FMN1: variants seen among roughly 807,000 people sequenced by gnomAD.
The protein encoded by FMN1 is formin-1.
In FMN1, 110 loss-of-function variants were observed where a neutral mutation model predicts 132.4. That is an observed-to-expected ratio of 0.83 (90% CI 0.71 to 0.97). The LOEUF (loss-of-function observed/expected upper bound fraction) is 0.97. FMN1 is among the 50% of genes least tolerant of loss of function. FMN1 has a pLI of 0.00. For missense variants in FMN1, 1,792 were observed against 1,705.3 expected (o/e 1.05, Z -0.90); for synonymous variants, 722 against 651.7 (o/e 1.11, Z -1.64).
Position 33,153,023 on chromosome 15 carries a change from C to G in FMN1, c.1867+25G>C, listed in dbSNP as rs1964509600. ...TTCCCCAATCAGCCAAGAATAGATT[C>G]AAAGCATCTTAAACAGAGACTAACC... On this transcript the variant is annotated intron_variant, in intron 4 of 20. Transcript: ENST00000616417. The G allele has an allele frequency of 4.1e-6, 6 of 1,474,100 alleles. No homozygotes were observed. The South Asian group carries it at 8.2e-5, about 20-fold the overall frequency. The allele number at this position is 1,474,100 out of a possible 1,614,324, so 91.3% of individuals were successfully genotyped here.
chr15:32,938,294 C>A (rs958954846), intron 9 of FMN1, among the ~76,000 whole-genome samples: 1 of 151,962 alleles, frequency 6.6e-6, no homozygotes, highest in Non-Finnish European at 1.5e-5. Flanking sequence ...CTTGAGAGGT[C>A]GAGGTGGGTG....
intron 9 of FMN1, among the ~76,000 whole-genome samples, chr15:32,930,907 T>G (rs1156501047): frequency 2.0e-5 from 3 of 152,232 alleles, no homozygotes; most frequent in Non-Finnish European, 2.9e-5. Flanking sequence ...TTCTTTTGTG[T>G]GTGGATAGCC....
intron 7 of FMN1, among the ~76,000 whole-genome samples, chr15:33,002,300 T>A (rs1370882664): frequency 6.6e-6 from 1 of 152,188 alleles, no homozygotes; most frequent in Non-Finnish European, 1.5e-5. Context: ...AATCTAACAA[T>A]GATAGCTGCC....
At chr15:32,904,288 G>C (rs2060368767) in intron 12 of FMN1, among the ~76,000 whole-genome samples, 1 of 152,186 alleles carries the variant, frequency 6.6e-6, no homozygotes, top group African/African-American at 2.4e-5. Context: ...AAACTGCCGG[G>C]AGAGCCCAGA....
rs538921926 is a variant in FMN1, at chr15:32,864,482, G to T, written c.3836-7375C>A. On this transcript the variant is annotated intron_variant, in intron 16 of 20. Transcript: ENST00000616417. ...TGACCCATATGTGGAAAATCTATATGTAACCAAAGGTGTTTTCCTTCTTTA... is the reference window on the plus strand; with the variant it reads ...TGACCCATATGTGGAAAATCTATATTTAACCAAAGGTGTTTTCCTTCTTTA... Among the ~76,000 whole-genome samples the T allele has an allele frequency of 7.9e-5, 12 of 152,310 alleles. No individual in the cohort carries two copies. In the South Asian group the frequency reaches 2.5e-3, roughly 32 times the overall value.
In FMN1 at chr15:32,929,580, T is replaced by C. The variant is rs563723280; in HGVS notation, c.3139-3319A>G. ...AATTTTATACCCACAGAATAGCAGATTTCCAATTCGCCGTTGTTCCAGCCC... is the reference window on the plus strand; with the variant it reads ...AATTTTATACCCACAGAATAGCAGACTTCCAATTCGCCGTTGTTCCAGCCC... On this transcript the variant is annotated intron_variant, in intron 9 of 20. Coordinates refer to ENST00000616417, the MANE Select transcript of FMN1 (RefSeq NM_001277313.2). Among the ~76,000 whole-genome samples the C allele has an allele frequency of 5.3e-5, 8 of 152,312 alleles. No homozygotes were observed. In the South Asian group the frequency reaches 1.7e-3, roughly 32 times the overall value.
chr15:32,985,231 C>T (rs2032990622), intron 7 of FMN1, among the ~76,000 whole-genome samples: 1 of 152,050 alleles, frequency 6.6e-6, no homozygotes, highest in Non-Finnish European at 1.5e-5. Flanking sequence ...TGGATTTTTT[C>T]CTCATTCTCC....
At position 32,892,985 on chromosome 15, in the gene FMN1, T is replaced by C. The variant is rs1308409490; in HGVS notation, c.3715-4693A>G. ...ATCAATAAGCTTTATTTTTGGTTGA[T>C]GGGCACTACTACAGAGGGCTTGTAA... On this transcript the variant is annotated intron_variant, in intron 15 of 20. Transcript: ENST00000616417. Among the ~76,000 whole-genome samples, 4 of 152,332 alleles carry C rather than the reference T, an allele frequency of 2.6e-5. 1 individual carries two copies. Among genetic ancestry groups the C allele is most frequent in the Admixed American group, 2.6e-4 (4 of 15,308 alleles).
Position 32,996,088 on chromosome 15 carries a change from T to C in FMN1, c.2223+11926A>G, listed in dbSNP as rs201531793. On this transcript the variant is annotated intron_variant, in intron 7 of 20. Transcript: ENST00000616417. Reference sequence around the variant, plus strand: ...ATGCTGCTGCTCATAATAAACACAATAGTTATGATAGATAGGTCATCTACC... The same window carrying C: ...ATGCTGCTGCTCATAATAAACACAACAGTTATGATAGATAGGTCATCTACC... 3.3e-5 allele frequency among the ~76,000 whole-genome samples: 5 copies of C among 152,154 alleles called. No individual in the cohort carries two copies. In the East Asian group the frequency reaches 5.8e-4, roughly 18 times the overall value.
chr15:33,005,216 G>A (rs2034351403), intron 7 of FMN1, among the ~76,000 whole-genome samples: 2 of 150,986 alleles, frequency 1.3e-5, no homozygotes, highest in East Asian at 1.9e-4. Context: ...AAAAACTACA[G>A]CTAAGTGTAT....
rs1017217792 is a variant in FMN1 at position 33,153,094 on chromosome 15, C to T, written c.1821G>A (p.Leu607=). 2 of 1,535,700 alleles carry T rather than the reference C, an allele frequency of 1.3e-6. No homozygotes were observed. Among genetic ancestry groups the T allele is most frequent in the African/African-American group, 2.7e-5 (2 of 73,012 alleles). Residue 607 remains leucine (L), a synonymous_variant, in exon 4 of 21, where the codon TTG becomes TTA. Coordinates refer to ENST00000616417, the MANE Select transcript of FMN1 (RefSeq NM_001277313.2). Reference sequence around the variant, plus strand: ...GCTCAGCTGTGGTCTTCCCTGGCCCCAAGCTCTTTTCCAAAGTTTCCCCAG... The same window carrying T: ...GCTCAGCTGTGGTCTTCCCTGGCCCTAAGCTCTTTTCCAAAGTTTCCCCAG... ...LVPGETLEKS[L]GPGKTTAEPQ...
chr15:32,956,648 T>C (rs1032738347), intron 9 of FMN1, among the ~76,000 whole-genome samples: 3 of 152,110 alleles, frequency 2.0e-5, no homozygotes, highest in African/African-American at 7.2e-5. Context: ...CTCACTTCTA[T>C]AGATGATAAT....
chr15:33,099,717 G>GC (rs1183442782), intron 4 of FMN1, among the ~76,000 whole-genome samples: 1 of 152,186 alleles, frequency 6.6e-6, no homozygotes, highest in Non-Finnish European at 1.5e-5. Context: ...AACAGCACCT[G>GC]CAATTGGCAT....
At chr15:32,793,691 T>C (rs1339141839) in intron 19 of FMN1, among the ~76,000 whole-genome samples, 2 of 152,236 alleles carry the variant, frequency 1.3e-5, no homozygotes, top group Non-Finnish European at 2.9e-5. Flanking sequence ...TTCAAAGTTT[T>C]GACAATTAAT....
chr15:33,092,813 C>T (rs759308621), intron 4 of FMN1, among the ~76,000 whole-genome samples: 6 of 152,158 alleles, frequency 3.9e-5, no homozygotes, highest in Non-Finnish European at 5.9e-5. Flanking sequence ...ACCTTTTCAG[C>T]TGAGGGCTTA....
At chr15:32,942,244 C>T (rs2061417337) in intron 9 of FMN1, among the ~76,000 whole-genome samples, 1 of 152,232 alleles carries the variant, frequency 6.6e-6, no homozygotes, top group African/African-American at 2.4e-5. Flanking sequence ...TTATTCCTCA[C>T]ATATGTGAAT....
chr15:33,126,670 G>A (rs1438198143), intron 4 of FMN1, among the ~76,000 whole-genome samples: 1 of 88,214 alleles, frequency 1.1e-5, no homozygotes, highest in Non-Finnish European at 2.7e-5. Context: ...TGCCCAGAAT[G>A]GGACCAACTC....
intron 5 of FMN1, among the ~76,000 whole-genome samples, chr15:33,080,490 T>G (rs936270467): frequency 6.6e-6 from 1 of 152,234 alleles, no homozygotes; most frequent in African/African-American, 2.4e-5. Context: ...CAGTGGCTAA[T>G]GCCTGTAATC....
chr15:32,977,768 C>G (rs1186465278), intron 7 of FMN1, among the ~76,000 whole-genome samples: 1 of 152,060 alleles, frequency 6.6e-6, no homozygotes, highest in East Asian at 1.9e-4. Context: ...CAGATAGTCC[C>G]AAGCCTCATT....
Sources: allele counts gnomAD v4.1 joint callset (sites outside exome capture counted in the v4.1 genomes callset), GRCh38; gene constraint gnomAD v4.1.1; transcripts MANE v1.5; gene names NCBI Gene and HGNC (gene_info 2026-07-23, HGNC 2026-07-21).